The following TRDMT1 variants were observed in gnomAD, a reference collection of about 807,000 sequenced individuals.
The protein encoded by TRDMT1 is tRNA (cytosine(38)-C(5))-methyltransferase.
TRDMT1 carries 49 observed loss-of-function variants against 51.2 expected under a neutral mutation model. That is an observed-to-expected ratio of 0.96 (90% CI 0.76 to 1.21). TRDMT1 has a LOEUF of 1.21. Among genes scored for constraint, TRDMT1 ranks in the 50% most tolerant of loss-of-function variants. The pLI is 0.00. For missense variants in TRDMT1, 534 were observed against 462.3 expected (o/e 1.16, Z -1.42); for synonymous variants, 187 against 164.6 (o/e 1.14, Z -1.04).
Position 17,140,802 on chromosome 10 carries a change from C to A in TRDMT1, c.*8238G>T, listed in dbSNP as rs533710939. 5.2e-4 allele frequency among the ~76,000 whole-genome samples: 79 copies of A among 152,292 alleles called. No homozygotes were observed. The highest frequency in any genetic ancestry group is 1.8e-3 in the Admixed American group (27 of 15,302). Reference sequence around the variant, plus strand: ...TTAAAATGCTATTACTCTAACATAACTGCTATCATTATTTTATTCCAATCT... The same window carrying A: ...TTAAAATGCTATTACTCTAACATAAATGCTATCATTATTTTATTCCAATCT... On this transcript the variant is annotated 3_prime_UTR_variant, in exon 11 of 11. Coordinates refer to ENST00000377799, the MANE Select transcript of TRDMT1 (RefSeq NM_004412.7).
intron 1 of TRDMT1, among the ~76,000 whole-genome samples, chr10:17,184,537 T>A (rs1394470801): frequency 6.6e-6 from 1 of 152,056 alleles, no homozygotes; most frequent in East Asian, 1.9e-4. Flanking sequence ...CCTCCTTTGC[T>A]TTATAGTTAG....
At chr10:17,168,440 AG>A (rs1841505719) in intron 3 of TRDMT1, among the ~76,000 whole-genome samples, 1 of 152,176 alleles carries the variant, frequency 6.6e-6, no homozygotes, top group Non-Finnish European at 1.5e-5. Flanking sequence ...GATCTGATTT[AG>A]TAAGTCCTTC....
At position 17,158,779 on chromosome 10, in the gene TRDMT1, A is replaced by G. The variant is rs182951540; in HGVS notation, c.543+367T>C. On this transcript the variant is annotated intron_variant, in intron 7 of 10. Coordinates refer to ENST00000377799, the MANE Select transcript of TRDMT1 (RefSeq NM_004412.7). ...TTGTAAGCCACTTTTAAGATAAAAT[A>G]TTATCAAAAGTAACCAATGGCTTCT... 2.0e-5 allele frequency among the ~76,000 whole-genome samples: 3 copies of G among 152,334 alleles called. No homozygotes were observed. In the East Asian group the frequency reaches 5.8e-4, roughly 29 times the overall value.
At position 17,145,812 on chromosome 10, in the gene TRDMT1, A is replaced by C; in HGVS notation, c.*3228T>G. 1.0e-6 allele frequency: 1 copy of C among 985,488 alleles called. No homozygotes were observed. Among genetic ancestry groups the C allele is most frequent in the Non-Finnish European group, 1.2e-6 (1 of 829,942 alleles). The allele number at this position is 985,488 out of a possible 1,614,324, so 61.0% of individuals were successfully genotyped here. On this transcript the variant is annotated 3_prime_UTR_variant, in exon 11 of 11. Coordinates refer to ENST00000377799, the MANE Select transcript of TRDMT1 (RefSeq NM_004412.7). The stretch of plus-strand genomic sequence containing the variant: ...CAGATGCAGCTGGCCTGCAGAATGC[A>C]TCCTTTAGTAGGTGCTTGATATTAG...
intron 10 of TRDMT1, chr10:17,150,886 A>T (rs1267793617): frequency 1.0e-6 from 1 of 985,286 alleles, no homozygotes; most frequent in Non-Finnish European, 1.2e-6. Context: ...ATGTACCTAC[A>T]AACAGGCTTT....
chr10:17,162,528 G>A (rs1215741965), intron 3 of TRDMT1, among the ~76,000 whole-genome samples: 13 of 151,922 alleles, frequency 8.6e-5, no homozygotes, highest in African/African-American at 2.7e-4. Flanking sequence ...CCGACATGGC[G>A]AAACCCTGTC....
chr10:17,153,673 G>A lies in TRDMT1; in HGVS notation c.946-37C>T, dbSNP rs372130633. The A allele has an allele frequency of 2.6e-6, 4 of 1,531,048 alleles. No homozygotes were observed. In the East Asian group the frequency reaches 9.1e-5, roughly 35 times the overall value. 94.8% of individuals were successfully genotyped at this position (1,531,048 alleles called of 1,614,324 possible). On this transcript the variant is annotated intron_variant, in intron 9 of 10. Coordinates refer to ENST00000377799, the MANE Select transcript of TRDMT1 (RefSeq NM_004412.7). ...TACCCAAGATAACTAAAAAAGTAATGTGCAACTAGATTTAAGATCTCCTGC... is the reference window on the plus strand; with the variant it reads ...TACCCAAGATAACTAAAAAAGTAATATGCAACTAGATTTAAGATCTCCTGC...
At chr10:17,160,738 T>C (rs1051869376) in intron 5 of TRDMT1, among the ~76,000 whole-genome samples, 1 of 152,224 alleles carries the variant, frequency 6.6e-6, no homozygotes, top group Non-Finnish European at 1.5e-5. Context: ...CCCAAAGTGC[T>C]GGGATTACAG....
chr10:17,161,658 T>C (rs2131433960), intron 4 of TRDMT1, 110 bp from the exon 5 acceptor site: 1 of 632,918 alleles, frequency 1.6e-6, no homozygotes, highest in East Asian at 3.8e-5. Context: ...CTGAACTCTT[T>C]TTAAAATGGA....
In TRDMT1 at chr10:17,148,638, AT is replaced by A. The variant is rs1483549983; in HGVS notation, c.*401del. 1.6e-4 allele frequency: 155 copies of A among 967,224 alleles called. No individual in the cohort carries two copies. Among genetic ancestry groups the A allele is most frequent in the Non-Finnish European group, 1.7e-4 (141 of 813,498 alleles). 59.9% of individuals were successfully genotyped at this position (967,224 alleles called of 1,614,324 possible). On this transcript the variant is annotated 3_prime_UTR_variant, in exon 11 of 11. Transcript: ENST00000377799. ...CATTCAATGGGCTAGAATTAGAATC[AT>A]TATTTTAAAATTAGAAATAAAAAAC...
In TRDMT1 at chr10:17,148,843, G is replaced by T. The variant is rs1329588472; in HGVS notation, c.*197C>A. ...ATACTCTCCATAAAGCATAACAATA[G>T]TTCGTATTTTATAAAATACAGTAAT... is the stretch of plus-strand genomic sequence containing the variant. On this transcript the variant is annotated 3_prime_UTR_variant, in exon 11 of 11. Transcript: ENST00000377799. 7 of 1,181,748 alleles carry T rather than the reference G, an allele frequency of 5.9e-6. No individual in the cohort carries two copies. Among genetic ancestry groups the T allele is most frequent in the African/African-American group, 1.6e-5 (1 of 63,576 alleles). 73.2% of individuals were successfully genotyped at this position (1,181,748 alleles called of 1,614,324 possible).
At chr10:17,169,044 A>G in intron 2 of TRDMT1, 127 bp from the exon 3 acceptor site, 1 of 682,256 alleles carries the variant, frequency 1.5e-6, no homozygotes, top group Non-Finnish European at 2.3e-6. Flanking sequence ...TGCTTGTCAA[A>G]TCAACTTTGG....
At chr10:17,177,555 A>T (rs912315025) in intron 1 of TRDMT1, among the ~76,000 whole-genome samples, 2 of 152,172 alleles carry the variant, frequency 1.3e-5, no homozygotes, top group African/African-American at 4.8e-5. Flanking sequence ...TCCGAAAGGA[A>T]TACATAAGGA....
At position 17,143,010 on chromosome 10, in the gene TRDMT1, G is replaced by A. The variant is rs575741961; in HGVS notation, c.*6030C>T. 113 of 985,338 alleles carry A rather than the reference G, an allele frequency of 1.1e-4. No homozygotes were observed. The African/African-American group carries it at 1.7e-3, about 15-fold the overall frequency. 61.0% of individuals were successfully genotyped at this position (985,338 alleles called of 1,614,324 possible). On this transcript the variant is annotated 3_prime_UTR_variant, in exon 11 of 11. Transcript: ENST00000377799. ...CAGTATTTTAAAAAGTTTTATTTGC[G>A]CTACTTTCCAAAAGCCAAAAGCCTA...
At chr10:17,170,867 G>A (rs892127570) in intron 2 of TRDMT1, among the ~76,000 whole-genome samples, 32 of 151,856 alleles carry the variant, frequency 2.1e-4, no homozygotes, top group African/African-American at 7.3e-4. Context: ...TGTAGCCAGC[G>A]TCCTTATTAA....
At chr10:17,192,612 G>A (rs755388916) in intron 1 of TRDMT1, among the ~76,000 whole-genome samples, 2 of 152,110 alleles carry the variant, frequency 1.3e-5, no homozygotes, top group South Asian at 2.1e-4. Context: ...AAGGGTGGGC[G>A]AGGGGCAGGA....
At chr10:17,162,618 A>G (rs1840559320) in intron 3 of TRDMT1, among the ~76,000 whole-genome samples, 1 of 152,002 alleles carries the variant, frequency 6.6e-6, no homozygotes, top group East Asian at 1.9e-4. Context: ...TGAGGTGGGC[A>G]GAACACTTGA....
intron 1 of TRDMT1, among the ~76,000 whole-genome samples, chr10:17,176,924 T>G (rs969153282): frequency 6.6e-6 from 1 of 152,124 alleles, no homozygotes; most frequent in Non-Finnish European, 1.5e-5. Context: ...CTATAGAATT[T>G]TGCCTATGTG....
rs554205885 is a variant in TRDMT1, at chr10:17,196,267, T to A, written c.64+5304A>T. Among the ~76,000 whole-genome samples the A allele has an allele frequency of 2.0e-5, 3 of 152,386 alleles. No homozygotes were observed. The South Asian group carries it at 6.2e-4, about 32-fold the overall frequency. ...GGGGTAAAACTCAAAGCCAACTCCTTGGAAGAGCTTTAGAAGCTATTTGGC... is the reference window on the plus strand; with the variant it reads ...GGGGTAAAACTCAAAGCCAACTCCTAGGAAGAGCTTTAGAAGCTATTTGGC... On this transcript the variant is annotated intron_variant, in intron 1 of 10. Coordinates refer to ENST00000377799, the MANE Select transcript of TRDMT1 (RefSeq NM_004412.7).
Sources: gnomAD v4.1 joint callset for allele counts (sites outside exome capture counted in the v4.1 genomes callset) on GRCh38, gnomAD v4.1.1 for gene constraint, MANE v1.5 for transcripts, NCBI Gene and HGNC (gene_info 2026-07-23, HGNC 2026-07-21) for gene names.